CAPN7: variants seen among roughly 807,000 people sequenced by gnomAD.
CAPN7 encodes calpain-7.
A neutral mutation model predicts 115.2 loss-of-function variants in CAPN7; 72 were observed. That is an observed-to-expected ratio of 0.63 (90% CI 0.52 to 0.76). CAPN7 has a LOEUF of 0.76. Among genes scored for constraint, CAPN7 ranks in the 30% least tolerant of loss-of-function variants. The probability of loss-of-function intolerance (pLI) is 0.00; values close to 1 mark genes in which losing one functional copy is unlikely to be tolerated. For synonymous variants in CAPN7, 344 were observed against 322.3 expected (o/e 1.07, Z -0.72); for missense variants, 905 against 971.5 (o/e 0.93, Z 0.91).
At chr3:15,217,603 C>A in intron 3 of CAPN7, 21 bp downstream of exon 3, 1 of 1,587,374 alleles carries the variant, frequency 6.3e-7, no homozygotes, top group South Asian at 1.2e-5. Flanking sequence ...CTACAAATTA[C>A]GTTTGATGAG....
chr3:15,215,792 T>C (rs1289705570), intron 2 of CAPN7, among the ~76,000 whole-genome samples: 4 of 152,148 alleles, frequency 2.6e-5, no homozygotes, highest in African/African-American at 9.7e-5. Flanking sequence ...AATAATGCAG[T>C]TAAGAACATT....
rs567665903 is a variant in CAPN7 at position 15,252,706 on chromosome 3, T to C, written c.*1446T>C. On this transcript the variant is annotated 3_prime_UTR_variant, in exon 21 of 21. Transcript: ENST00000253693. ...GGCACTGATTTCTATAATAGAGCTC[T>C]AAAAACATGCCACCAGTGTATGAAT... 3.3e-5 allele frequency: 5 copies of C among 151,990 alleles called. No individual in the cohort carries two copies. The highest frequency in any genetic ancestry group is 5.9e-5 in the Non-Finnish European group (4 of 68,020). 9.4% of individuals were successfully genotyped at this position (151,990 alleles called of 1,614,324 possible). A position where few individuals can be genotyped will look rare whatever the true frequency, so the allele number is the denominator to read the frequency against.
chr3:15,233,209 G>C (rs1694795416), intron 10 of CAPN7, among the ~76,000 whole-genome samples: 2 of 151,996 alleles, frequency 1.3e-5, no homozygotes, highest in African/African-American at 4.8e-5. Flanking sequence ...TCCACCTCTT[G>C]TCTTAAAGTC....
intron 19 of CAPN7, among the ~76,000 whole-genome samples, chr3:15,249,231 T>C (rs905520866): frequency 3.3e-5 from 5 of 152,166 alleles, no homozygotes; most frequent in Non-Finnish European, 7.3e-5. Flanking sequence ...TTTGCTCTTT[T>C]GTACTTAATT....
At chr3:15,239,852 T>C (rs1415412709) in intron 12 of CAPN7, among the ~76,000 whole-genome samples, 1 of 152,178 alleles carries the variant, frequency 6.6e-6, no homozygotes, top group Non-Finnish European at 1.5e-5. Flanking sequence ...TTCTTCACTA[T>C]GTCTGTCTGC....
intron 19 of CAPN7, 90 bp from the exon 20 acceptor site, chr3:15,250,841 A>G: frequency 9.3e-6 from 8 of 857,884 alleles, no homozygotes; most frequent in Non-Finnish European, 1.5e-5. Flanking sequence ...ACATAAACTT[A>G]GTATGACATC....
chr3:15,235,198 G>C, intron 12 of CAPN7, 53 bp downstream of exon 12: 1 of 1,485,164 alleles, frequency 6.7e-7, no homozygotes, highest in Non-Finnish European at 9.1e-7. Flanking sequence ...AGACATTTCA[G>C]GGATCCCAGA....
At chr3:15,240,667 A>C in intron 13 of CAPN7, 50 bp downstream of exon 13, 2 of 1,545,458 alleles carry the variant, frequency 1.3e-6, no homozygotes, top group Non-Finnish European at 1.8e-6. Context: ...AAAAAAAAAC[A>C]TGTTTTAACA....
chr3:15,223,406 A>T, intron 5 of CAPN7, 69 bp from the exon 6 acceptor site: 1 of 949,570 alleles, frequency 1.1e-6, no homozygotes, highest in Non-Finnish European at 1.7e-6. Context: ...TTTAAATTTT[A>T]AAGAGTTGAA....
intron 16 of CAPN7, 32 bp downstream of exon 16, chr3:15,242,285 A>G (rs1283000299): frequency 1.6e-6 from 2 of 1,278,846 alleles, no homozygotes; most frequent in Admixed American, 4.5e-5. Flanking sequence ...ACATTAAAAT[A>G]AACATACATA....
intron 2 of CAPN7, among the ~76,000 whole-genome samples, chr3:15,213,933 G>T (rs1263798933): frequency 6.7e-6 from 1 of 149,284 alleles, no homozygotes; most frequent in East Asian, 2.0e-4. Flanking sequence ...AGGCTGGAGT[G>T]CAGTGGCGCG....
At chr3:15,210,023 CAG>C (rs1286224778) in intron 1 of CAPN7, among the ~76,000 whole-genome samples, 8 of 152,216 alleles carry the variant, frequency 5.3e-5, no homozygotes, top group Admixed American at 2.6e-4. Context: ...TTTTCAGAGA[CAG>C]GGTCTCATTC....
In CAPN7 at chr3:15,220,986, A is replaced by G. The variant is rs1559391660; in HGVS notation, c.638+5A>G. The G allele has an allele frequency of 5.6e-6, 9 of 1,608,522 alleles. No homozygotes were observed. In the East Asian group the frequency reaches 2.0e-4, roughly 36 times the overall value. Reference sequence around the variant, plus strand: ...AGAAGAAATAGAAGTACTCAGGTAAATAAGTTTACAATTAATTGTAATGAA... The same window carrying G: ...AGAAGAAATAGAAGTACTCAGGTAAGTAAGTTTACAATTAATTGTAATGAA... On this transcript the variant is annotated splice_donor_5th_base_variant and intron_variant, in intron 5 of 20. Transcript: ENST00000253693.
chr3:15,224,033 G>A (rs1436624561), intron 6 of CAPN7, among the ~76,000 whole-genome samples: 1 of 152,144 alleles, frequency 6.6e-6, no homozygotes, highest in Non-Finnish European at 1.5e-5. Flanking sequence ...TCAGGAGTCC[G>A]AGCTTGTAGT....
In CAPN7 at chr3:15,240,473, G is replaced by C; in HGVS notation, c.1408G>C (p.Gly470Arg). ...TATCTCCTGTTTCTTTTTTATATAG[G>C]GGCTGCGATTTATCCAGTTGAAAAA... ...YAVLDIREFKGLRFIQLKNPW... is the reference protein window; with the variant it reads ...YAVLDIREFKRLRFIQLKNPW... The change falls in exon 13 of 21, where the codon GGG becomes CGG. Residue 470 changes from glycine to arginine, a missense_variant and splice_region_variant. Around this residue, in one of 3 missense-constraint regions of CAPN7, gnomAD observed 620 missense variants for 703.4 expected, o/e 0.88. Coordinates refer to ENST00000253693, the MANE Select transcript of CAPN7 (RefSeq NM_014296.3). 1.9e-6 allele frequency: 3 copies of C among 1,607,736 alleles called. No homozygotes were observed. Among genetic ancestry groups the C allele is most frequent in the Non-Finnish European group, 1.7e-6 (2 of 1,178,554 alleles).
At chr3:15,207,488 A>G (rs999716837) in intron 1 of CAPN7, among the ~76,000 whole-genome samples, 3 of 152,180 alleles carry the variant, frequency 2.0e-5, no homozygotes, top group African/African-American at 7.2e-5. Flanking sequence ...TTTCTTCAGT[A>G]ATAAACTAAC....
intron 12 of CAPN7, among the ~76,000 whole-genome samples, chr3:15,235,968 A>G (rs1559404293): frequency 6.6e-6 from 1 of 152,152 alleles, no homozygotes; most frequent in Non-Finnish European, 1.5e-5. Flanking sequence ...CAGGAGTTCA[A>G]AACCAGCCTG....
rs527965337 is a variant in CAPN7 at position 15,220,634 on chromosome 3, A to G, written c.438-147A>G. 96 of 638,414 alleles carry G rather than the reference A, an allele frequency of 1.5e-4. No individual in the cohort carries two copies. The African/African-American group carries it at 1.7e-3, about 11-fold the overall frequency. The allele number at this position is 638,414 out of a possible 1,614,324, so 39.5% of individuals were successfully genotyped here. ...GCTTATCTTTGGAAGTAGCTGAAGTAGTGAAATGTTGATTAGTATGTAAGA... is the reference window on the plus strand; with the variant it reads ...GCTTATCTTTGGAAGTAGCTGAAGTGGTGAAATGTTGATTAGTATGTAAGA... On this transcript the variant is annotated intron_variant, in intron 4 of 20. Transcript: ENST00000253693.
intron 6 of CAPN7, among the ~76,000 whole-genome samples, 196 bp downstream of exon 6, chr3:15,223,757 C>T (rs1694138312): frequency 6.6e-6 from 1 of 152,138 alleles, no homozygotes; most frequent in African/African-American, 2.4e-5. Context: ...ATGAGGATCT[C>T]CTTTTGCCTA....
Sources: gnomAD v4.1 joint callset for allele counts (sites outside exome capture counted in the v4.1 genomes callset) on GRCh38, gnomAD v4.1.1 for gene constraint, gnomAD v4.1.1 regional missense constraint, MANE v1.5 for transcripts, NCBI Gene and HGNC (gene_info 2026-07-23, HGNC 2026-07-21) for gene names.